TMEFF2: variants seen among roughly 807,000 people sequenced by gnomAD.
TMEFF2 encodes the protein transmembrane protein with EGF like and two follistatin like domains 2.
TMEFF2 carries 28 observed loss-of-function variants against 53.8 expected under a neutral mutation model. The ratio of observed to expected loss-of-function variants is 0.52; its 90% confidence interval spans 0.39 to 0.71. The LOEUF (loss-of-function observed/expected upper bound fraction) is 0.71. TMEFF2 is among the 30% of genes least tolerant of loss of function. TMEFF2 has a pLI of 0.00. For missense variants in TMEFF2, 353 were observed against 455.2 expected, an observed-to-expected ratio of 0.78 and a Z score of 2.04; for synonymous variants, 162 against 166.3, an observed-to-expected ratio of 0.97 and a Z score of 0.20.
rs1310285693 is a variant in TMEFF2, at chr2:192,003,640, CCTGA to C, written c.537-4436_537-4433del. ...ACTAATTTTATGGGCATTAGATTAA[CCTGA>C]CTATCTAAAGCATCAGTTGCTCAAA... On this transcript the variant is annotated intron_variant, in intron 5 of 9. Coordinates refer to ENST00000272771, the MANE Select transcript of TMEFF2 (RefSeq NM_016192.4). Among the ~76,000 whole-genome samples the C allele has an allele frequency of 7.9e-5, 12 of 152,248 alleles. No individual in the cohort carries two copies. The South Asian group carries it at 1.0e-3, about 13-fold the overall frequency.
At chr2:192,101,764 C>T (rs978161482) in intron 4 of TMEFF2, among the ~76,000 whole-genome samples, 4 of 152,150 alleles carry the variant, frequency 2.6e-5, no homozygotes, top group South Asian at 2.1e-4. Context: ...ACTGTCTTCT[C>T]GCTTAGACAT....
intron 7 of TMEFF2, among the ~76,000 whole-genome samples, chr2:191,973,345 TTTTG>T (rs1353142190): frequency 2.0e-5 from 3 of 152,202 alleles, no homozygotes; most frequent in African/African-American, 4.8e-5. Context: ...GTAGCTCTTA[TTTTG>T]TTTGAGACTG....
chr2:191,968,841 C>A (rs1692541324), intron 7 of TMEFF2, among the ~76,000 whole-genome samples: 1 of 152,048 alleles, frequency 6.6e-6, no homozygotes, highest in African/African-American at 2.4e-5. Context: ...GGAAACACTG[C>A]ATTAGATTAT....
At position 191,953,671 on chromosome 2, in the gene TMEFF2, T is replaced by C; in HGVS notation, c.1028+8A>G. The stretch of plus-strand genomic sequence containing the variant: ...TTATTTGGGTAGCCACCAAGTGCTG[T>C]TACTGACCTTGTGATGCAGAGGACC... On this transcript the variant is annotated splice_region_variant and intron_variant, in intron 9 of 9. Transcript: ENST00000272771. The C allele has an allele frequency of 7.4e-6, 12 of 1,613,062 alleles. No individual in the cohort carries two copies. The highest frequency in any genetic ancestry group is 1.0e-5 in the Non-Finnish European group (12 of 1,179,502).
chr2:192,043,110 C>T (rs1017548899), intron 5 of TMEFF2, among the ~76,000 whole-genome samples: 6 of 152,172 alleles, frequency 3.9e-5, no homozygotes, highest in African/African-American at 1.4e-4. Flanking sequence ...TCAGAATAGC[C>T]AGATTCATGG....
chr2:192,095,547 AAAAG>A (rs1441902485), intron 4 of TMEFF2, among the ~76,000 whole-genome samples: 4 of 152,160 alleles, frequency 2.6e-5, no homozygotes, highest in African/African-American at 7.2e-5. Context: ...TTCCTGCAGC[AAAAG>A]AAATATAGAA....
At chr2:192,173,289 T>C (rs1690959862) in intron 4 of TMEFF2, among the ~76,000 whole-genome samples, 1 of 151,920 alleles carries the variant, frequency 6.6e-6, no homozygotes, top group African/African-American at 2.4e-5. Flanking sequence ...TCATAAAAAT[T>C]AAAAACTAAA....
chr2:191,977,255 G>A lies in TMEFF2; in HGVS notation c.746-20877C>T, dbSNP rs1057211153. 8.5e-5 allele frequency among the ~76,000 whole-genome samples: 13 copies of A among 152,204 alleles called. No homozygotes were observed. The East Asian group carries it at 1.5e-3, about 18-fold the overall frequency. On this transcript the variant is annotated intron_variant, in intron 7 of 9. Coordinates refer to ENST00000272771, the MANE Select transcript of TMEFF2 (RefSeq NM_016192.4). ...GGGGAACTAGTTGTGCCTGGAGCAG[G>A]CTAGAGGGCATGGATTGAGGAGTGT...
At chr2:192,011,369 G>C (rs912877030) in intron 5 of TMEFF2, among the ~76,000 whole-genome samples, 1 of 152,210 alleles carries the variant, frequency 6.6e-6, no homozygotes, top group Non-Finnish European at 1.5e-5. Context: ...GGTCAGGGAA[G>C]GCAGAGGAAC....
chr2:192,183,426 A>G lies in TMEFF2; in HGVS notation c.412+928T>C, dbSNP rs183131565. ...TTATCTAAGAGGGACTTTTGAATAA[A>G]TAGACTTTTCATGACACTATTCTCT... On this transcript the variant is annotated intron_variant, in intron 3 of 9. Coordinates refer to ENST00000272771, the MANE Select transcript of TMEFF2 (RefSeq NM_016192.4). Among the ~76,000 whole-genome samples, 345 of 152,210 alleles carry G rather than the reference A, an allele frequency of 2.3e-3. 1 individual carries two copies. The highest frequency in any genetic ancestry group is 7.9e-3 in the African/African-American group (330 of 41,564).
chr2:192,112,198 G>C (rs1689297453), intron 4 of TMEFF2, among the ~76,000 whole-genome samples: 2 of 152,150 alleles, frequency 1.3e-5, no homozygotes, highest in Non-Finnish European at 2.9e-5. Context: ...CTGTGCACCT[G>C]GAAACGCTGC....
intron 4 of TMEFF2, among the ~76,000 whole-genome samples, chr2:192,080,302 T>C (rs1688522290): frequency 6.6e-6 from 1 of 152,136 alleles, no homozygotes; most frequent in Non-Finnish European, 1.5e-5. Context: ...AGGGGCGGTT[T>C]CCCCCATGCT....
intron 4 of TMEFF2, among the ~76,000 whole-genome samples, chr2:192,145,959 G>A (rs1690241638): frequency 6.6e-6 from 1 of 151,974 alleles, no homozygotes; most frequent in African/African-American, 2.4e-5. Context: ...AATTGCTTCA[G>A]TGAACTGATT....
chr2:192,070,146 T>C (rs921333159), intron 4 of TMEFF2, among the ~76,000 whole-genome samples: 1 of 151,274 alleles, frequency 6.6e-6, no homozygotes, highest in African/African-American at 2.4e-5. Context: ...TTTAGGACAT[T>C]ATACAAAATA....
At chr2:192,039,012 T>A (rs1687407221) in intron 5 of TMEFF2, among the ~76,000 whole-genome samples, 1 of 152,196 alleles carries the variant, frequency 6.6e-6, no homozygotes, top group African/African-American at 2.4e-5. Context: ...TATTGCCATG[T>A]GGTTTTTGGT....
intron 5 of TMEFF2, among the ~76,000 whole-genome samples, chr2:192,002,849 A>G (rs546444645): frequency 6.6e-6 from 1 of 152,146 alleles, no homozygotes; most frequent in East Asian, 1.9e-4. Flanking sequence ...ACAAAACAAA[A>G]CACAAAAACG....
chr2:191,987,100 G>C (rs1254612277), intron 7 of TMEFF2, among the ~76,000 whole-genome samples: 1 of 152,024 alleles, frequency 6.6e-6, no homozygotes, highest in Non-Finnish European at 1.5e-5. Context: ...ATTCTGGCTG[G>C]ATAATGTTGT....
At chr2:192,148,775 A>C (rs966012201) in intron 4 of TMEFF2, among the ~76,000 whole-genome samples, 1 of 152,066 alleles carries the variant, frequency 6.6e-6, no homozygotes, top group Non-Finnish European at 1.5e-5. Context: ...TGGAATAAAA[A>C]CACTGCATTT....
chr2:191,958,538 T>C (rs1247734326), intron 7 of TMEFF2, among the ~76,000 whole-genome samples: 1 of 152,216 alleles, frequency 6.6e-6, no homozygotes, highest in East Asian at 1.9e-4. Flanking sequence ...ACAGTTTGTT[T>C]CTGGATTCGT....
Sources: gnomAD v4.1 joint callset for allele counts (sites outside exome capture counted in the v4.1 genomes callset) on GRCh38, gnomAD v4.1.1 for gene constraint, MANE v1.5 for transcripts, NCBI Gene and HGNC (gene_info 2026-07-23, HGNC 2026-07-21) for gene names.